Variants in NCALD observed in about 807,000 individuals in gnomAD.
NCALD encodes the protein neurocalcin delta.
In NCALD, 10 loss-of-function variants were observed where a neutral mutation model predicts 18.6. The ratio of observed to expected loss-of-function variants is 0.54; its 90% CI spans 0.33 to 0.91. The LOEUF (loss-of-function observed/expected upper bound fraction) is 0.91. NCALD is among the 40% of genes least tolerant of loss of function. The probability of loss-of-function intolerance (pLI) is 0.03; values close to 1 mark genes in which losing one functional copy is unlikely to be tolerated. For synonymous variants in NCALD, 88 were observed against 87.4 expected (o/e 1.01, Z -0.04); for missense variants, 184 against 247.6 (o/e 0.74, Z 1.72).
intron 2 of NCALD, among the ~76,000 whole-genome samples, chr8:101,950,792 A>G (rs1227087179): frequency 6.6e-6 from 1 of 152,232 alleles, no homozygotes; most frequent in African/African-American, 2.4e-5. Flanking sequence ...CTAAGCCCAC[A>G]GCTTGAATCC....
intron 2 of NCALD, among the ~76,000 whole-genome samples, chr8:102,005,692 C>T (rs1006340613): frequency 6.6e-6 from 1 of 152,032 alleles, no homozygotes; most frequent in Non-Finnish European, 1.5e-5. Context: ...GAATACTATG[C>T]CTCCATAAAA....
At chr8:101,830,747 T>C (rs1351879424) in intron 4 of NCALD, among the ~76,000 whole-genome samples, 1 of 150,388 alleles carries the variant, frequency 6.6e-6, no homozygotes, top group Non-Finnish European at 1.5e-5. Flanking sequence ...ATACTTTTTT[T>C]TTTTTTTTTT....
intron 4 of NCALD, among the ~76,000 whole-genome samples, chr8:101,808,804 A>C (rs942019631): frequency 2.0e-5 from 3 of 152,146 alleles, no homozygotes; most frequent in African/African-American, 7.2e-5. Context: ...GTAAGCTGGA[A>C]GAAGCTTAGG....
rs34480976 is a variant in NCALD at position 101,918,740 on chromosome 8, CCA to C, written c.-156-2884_-156-2883del. 8.4e-3 allele frequency among the ~76,000 whole-genome samples: 1,172 copies of C among 140,098 alleles called. 4 individuals carry two copies. Among genetic ancestry groups the C allele is most frequent in the Non-Finnish European group, 9.3e-3 (589 of 63,132 alleles). 91.9% of individuals were successfully genotyped at this position (140,098 alleles called of 152,430 possible). ...AAGAACACAATCCCATTTACAATAGCCACACACACACACACACACACACACAC... is the reference window on the plus strand; with the variant it reads ...AAGAACACAATCCCATTTACAATAGCCACACACACACACACACACACACAC... On this transcript the variant is annotated intron_variant, in intron 2 of 6. Coordinates refer to the NCALD transcript ENST00000311028.
intron 1 of NCALD, among the ~76,000 whole-genome samples, chr8:101,733,779 G>A (rs1184392707): frequency 1.3e-5 from 2 of 152,182 alleles, no homozygotes; most frequent in Non-Finnish European, 2.9e-5. Context: ...TGCTAGCCAG[G>A]GGTGAAAGAC....
chr8:102,060,030 G>A (rs1563582618), intron 1 of NCALD, among the ~76,000 whole-genome samples: 1 of 152,196 alleles, frequency 6.6e-6, no homozygotes, highest in Non-Finnish European at 1.5e-5. Context: ...GCCCAGGCTG[G>A]AGTGCAGTGG....
At chr8:102,005,188 A>AAAAC (rs527734567) in intron 2 of NCALD, among the ~76,000 whole-genome samples, 1 of 151,702 alleles carries the variant, frequency 6.6e-6, no homozygotes, top group African/African-American at 2.4e-5. Flanking sequence ...TTACAAGAAA[A>AAAAC]AAACAACCCC....
intron 1 of NCALD, among the ~76,000 whole-genome samples, chr8:101,788,206 G>A (rs1313593622): frequency 6.6e-6 from 1 of 152,204 alleles, no homozygotes; most frequent in African/African-American, 2.4e-5. Context: ...TTTGTCCAGT[G>A]CAGTTCTATC....
intron 1 of NCALD, among the ~76,000 whole-genome samples, chr8:101,789,496 G>A (rs945028520): frequency 4.6e-5 from 7 of 152,092 alleles, no homozygotes; most frequent in African/African-American, 1.7e-4. Flanking sequence ...ACTTATTACT[G>A]TAGCTAAATA....
intron 1 of NCALD, among the ~76,000 whole-genome samples, chr8:101,727,034 GT>G (rs1329944065): frequency 1.3e-5 from 2 of 152,168 alleles, no homozygotes; most frequent in Non-Finnish European, 1.5e-5. Context: ...CCTCTTCAGT[GT>G]TGTGTCCTTC....
intron 1 of NCALD, among the ~76,000 whole-genome samples, chr8:101,768,664 G>A (rs1287466052): frequency 5.3e-5 from 8 of 149,628 alleles, no homozygotes; most frequent in Non-Finnish European, 1.0e-4. Flanking sequence ...AACTGAGATC[G>A]TGCAACTGCA....
At chr8:101,906,932 G>GGTC (rs1817629648) in intron 3 of NCALD, among the ~76,000 whole-genome samples, 2 of 152,136 alleles carry the variant, frequency 1.3e-5, no homozygotes, top group African/African-American at 4.8e-5. Flanking sequence ...AAATCAGAAT[G>GGTC]AATGAAGACA....
intron 2 of NCALD, among the ~76,000 whole-genome samples, chr8:101,708,407 A>G (rs1815631408): frequency 6.6e-6 from 1 of 152,218 alleles, no homozygotes; most frequent in East Asian, 1.9e-4. Flanking sequence ...AACATGTTAT[A>G]ACAAAATTTA....
chr8:101,898,834 C>A (rs1393138079), intron 3 of NCALD, among the ~76,000 whole-genome samples: 1 of 151,928 alleles, frequency 6.6e-6, no homozygotes, highest in Admixed American at 6.6e-5. Flanking sequence ...TTTATTTTTC[C>A]TTTTTGAAAT....
At chr8:101,728,253 G>A (rs1353530527) in intron 1 of NCALD, among the ~76,000 whole-genome samples, 1 of 152,118 alleles carries the variant, frequency 6.6e-6, no homozygotes, top group Non-Finnish European at 1.5e-5. Context: ...TGTATTCGTG[G>A]AGGGAAAGAT....
intron 2 of NCALD, among the ~76,000 whole-genome samples, chr8:101,717,679 A>G (rs1263803722): frequency 6.6e-6 from 1 of 152,062 alleles, no homozygotes; most frequent in Non-Finnish European, 1.5e-5. Context: ...GCTGCAGACC[A>G]GCTACAACAA....
chr8:101,837,740 T>C (rs998446516), intron 4 of NCALD, among the ~76,000 whole-genome samples: 1 of 152,206 alleles, frequency 6.6e-6, no homozygotes, highest in African/African-American at 2.4e-5. Context: ...GGACCTTTAT[T>C]AAAATCCTGA....
intron 1 of NCALD, among the ~76,000 whole-genome samples, chr8:101,760,268 C>G (rs1167727077): frequency 6.6e-6 from 1 of 152,178 alleles, no homozygotes; most frequent in East Asian, 1.9e-4. Flanking sequence ...TTTATTTTTA[C>G]AATGCTTATC....
intron 2 of NCALD, among the ~76,000 whole-genome samples, chr8:101,985,282 A>AC (rs1487355371): frequency 2.0e-5 from 3 of 151,280 alleles, no homozygotes; most frequent in Admixed American, 6.6e-5. Flanking sequence ...TTGAAGGTGG[A>AC]CCCCCCAGCC....
Sources: gnomAD v4.1 joint callset for allele counts (sites outside exome capture counted in the v4.1 genomes callset) on GRCh38, gnomAD v4.1.1 for gene constraint, MANE v1.5 for transcripts, NCBI Gene and HGNC (gene_info 2026-07-23, HGNC 2026-07-21) for gene names.